The following BOLL variants were observed in gnomAD, a reference collection of about 807,000 sequenced individuals.
The protein encoded by BOLL is boule RNA binding protein.
BOLL carries 23 observed loss-of-function variants against 44.4 expected under a neutral mutation model. The ratio of observed to expected loss-of-function variants is 0.52; its 90% CI spans 0.37 to 0.73. The LOEUF (loss-of-function observed/expected upper bound fraction) is 0.73. BOLL is among the 30% of genes least tolerant of loss of function. The pLI, the probability that BOLL is intolerant of heterozygous loss-of-function variation, is 0.00. For missense variants in BOLL, 287 were observed against 338.3 expected, an observed-to-expected ratio of 0.85 and a Z score of 1.19; for synonymous variants, 97 against 110.8, an observed-to-expected ratio of 0.88 and a Z score of 0.78.
At chr2:197,729,133 T>C (rs553389608) in intron 10 of BOLL, among the ~76,000 whole-genome samples, 136 of 152,274 alleles carry the variant, frequency 8.9e-4, no homozygotes, top group African/African-American at 3.0e-3. Context: ...GTGCGCAAGC[T>C]GAAGCAGGGC....
chr2:197,784,167 A>G (rs1007523987), intron 1 of BOLL, among the ~76,000 whole-genome samples: 3 of 151,688 alleles, frequency 2.0e-5, no homozygotes, highest in Non-Finnish European at 4.4e-5. Flanking sequence ...CATACGATAT[A>G]GTTTACTTAG....
chr2:197,757,168 T>G (rs1688553659), intron 8 of BOLL, among the ~76,000 whole-genome samples, 185 bp downstream of exon 8: 1 of 152,118 alleles, frequency 6.6e-6, no homozygotes, highest in Admixed American at 6.5e-5. Flanking sequence ...TAAGGAAACT[T>G]ACAAAGGTAT....
intron 1 of BOLL, chr2:197,784,821 CAAAG>C (rs1406930761): frequency 9.1e-6 from 9 of 987,428 alleles, no homozygotes; most frequent in Admixed American, 6.1e-5. Context: ...AGTTAAACAA[CAAAG>C]AAAGCCTGAA....
chr2:197,769,446 C>A (rs970798744), intron 6 of BOLL, among the ~76,000 whole-genome samples: 4 of 151,570 alleles, frequency 2.6e-5, no homozygotes, highest in Admixed American at 2.0e-4. Flanking sequence ...AGTTTATTGG[C>A]GTAGAGCCCT....
intron 10 of BOLL, among the ~76,000 whole-genome samples, chr2:197,729,206 G>T (rs575356845): frequency 6.6e-6 from 1 of 152,228 alleles, no homozygotes; most frequent in Non-Finnish European, 1.5e-5. Flanking sequence ...GTCAAAGAAA[G>T]GGGTGATGGA....
chr2:197,762,094 C>T (rs942894687), intron 7 of BOLL, among the ~76,000 whole-genome samples: 6 of 152,094 alleles, frequency 3.9e-5, no homozygotes, highest in Non-Finnish European at 7.4e-5. Flanking sequence ...ACCTGTAGTG[C>T]CAGCACTTTG....
chr2:197,779,737 G>C (rs1689681987), intron 2 of BOLL, among the ~76,000 whole-genome samples: 1 of 151,808 alleles, frequency 6.6e-6, no homozygotes, highest in African/African-American at 2.4e-5. Context: ...AGATGGTTTT[G>C]GCATGTCTGT....
At chr2:197,764,920 T>C (rs1021808014) in intron 7 of BOLL, among the ~76,000 whole-genome samples, 2 of 151,946 alleles carry the variant, frequency 1.3e-5, no homozygotes, top group African/African-American at 4.8e-5. Flanking sequence ...GGTTTACAGA[T>C]GTTTTCCACT....
At chr2:197,739,336 A>G (rs1028619066) in intron 10 of BOLL, among the ~76,000 whole-genome samples, 1 of 152,092 alleles carries the variant, frequency 6.6e-6, no homozygotes, top group African/African-American at 2.4e-5. Context: ...ATCATAGCTC[A>G]CTGTAACCTT....
At chr2:197,772,461 C>G (rs998492470) in intron 5 of BOLL, among the ~76,000 whole-genome samples, 1 of 151,978 alleles carries the variant, frequency 6.6e-6, no homozygotes, top group Non-Finnish European at 1.5e-5. Flanking sequence ...ATTCTACTTT[C>G]CTGAAGACAT....
chr2:197,771,514 A>G (rs180695682), intron 6 of BOLL, among the ~76,000 whole-genome samples: 130 of 152,204 alleles, frequency 8.5e-4, no homozygotes, highest in African/African-American at 3.0e-3. Context: ...GAAATGCAAA[A>G]AATAAAAAAT....
chr2:197,756,688 G>A (rs1688529990), intron 8 of BOLL, 132 bp from the exon 9 acceptor site: 9 of 744,382 alleles, frequency 1.2e-5, no homozygotes, highest in African/African-American at 1.8e-5. Context: ...TAGCACAGAA[G>A]TATCTCAGCA....
At chr2:197,745,790 A>G (rs996033975) in intron 9 of BOLL, among the ~76,000 whole-genome samples, 2 of 152,200 alleles carry the variant, frequency 1.3e-5, no homozygotes, top group African/African-American at 4.8e-5. Flanking sequence ...CAGTCATGAG[A>G]AAGGATGACG....
At chr2:197,737,640 A>C (rs1275075790) in intron 10 of BOLL, among the ~76,000 whole-genome samples, 1 of 152,110 alleles carries the variant, frequency 6.6e-6, no homozygotes, top group Non-Finnish European at 1.5e-5. Flanking sequence ...TGAGTCTCTA[A>C]ATTGATTCAT....
At chr2:197,768,969 G>A (rs1028261753) in intron 6 of BOLL, among the ~76,000 whole-genome samples, 3 of 151,508 alleles carry the variant, frequency 2.0e-5, no homozygotes, top group Non-Finnish European at 4.4e-5. Flanking sequence ...TATGTTTATT[G>A]ATTCGTGATG....
chr2:197,781,167 T>C (rs1689760037), intron 2 of BOLL, among the ~76,000 whole-genome samples: 1 of 152,116 alleles, frequency 6.6e-6, no homozygotes, highest in East Asian at 1.9e-4. Context: ...TGCTTAAATA[T>C]ACTACTTTTA....
At chr2:197,775,914 C>T (rs887956111) in intron 4 of BOLL, among the ~76,000 whole-genome samples, 174 bp from the exon 5 acceptor site, 28 of 151,772 alleles carry the variant, frequency 1.8e-4, no homozygotes, top group Admixed American at 3.3e-4. Flanking sequence ...TGGGTCTGAC[C>T]GCAATTCCCC....
intron 7 of BOLL, among the ~76,000 whole-genome samples, chr2:197,763,753 T>C (rs1323839137): frequency 1.3e-5 from 2 of 152,278 alleles, no homozygotes; most frequent in East Asian, 3.9e-4. Context: ...ACAGACGACC[T>C]GTTGAATGGG....
intron 10 of BOLL, among the ~76,000 whole-genome samples, chr2:197,734,327 A>C (rs575485438): frequency 6.6e-6 from 1 of 151,998 alleles, no homozygotes; most frequent in African/African-American, 2.4e-5. Context: ...GTGCTGGAGA[A>C]GATGTGGAGA....
Sources: allele counts gnomAD v4.1 joint callset (sites outside exome capture counted in the v4.1 genomes callset), GRCh38; gene constraint gnomAD v4.1.1; transcripts MANE v1.5; gene names NCBI Gene and HGNC (gene_info 2026-07-23, HGNC 2026-07-21).